Variants in CDH19 observed in about 807,000 individuals in gnomAD.
CDH19 encodes the protein cadherin-19.
In CDH19, 67 loss-of-function variants were observed where a neutral mutation model predicts 64.2. That is an observed-to-expected ratio of 1.04 (90% CI 0.86 to 1.28). CDH19 has a LOEUF of 1.28. CDH19 is among the 50% of genes most tolerant of loss of function. The pLI, the probability that CDH19 is intolerant of heterozygous loss-of-function variation, is 0.00. For synonymous variants in CDH19, 346 were observed against 319.3 expected (o/e 1.08, Z -0.89); for missense variants, 1,030 against 929.0 (o/e 1.11, Z -1.41).
rs575957859 is a variant in CDH19, at chr18:66,558,184, A to G, written c.491-3660T>C. ...TCTCATATATATATATATATAATAT[A>G]TATATTTAAGAGGGCAAAAATATGC... On this transcript the variant is annotated intron_variant, in intron 3 of 11. Transcript: ENST00000262150. 2.6e-4 allele frequency among the ~76,000 whole-genome samples: 39 copies of G among 148,638 alleles called. No homozygotes were observed. In the East Asian group the frequency reaches 6.1e-3, roughly 23 times the overall value.
intron 7 of CDH19, among the ~76,000 whole-genome samples, chr18:66,537,433 G>C (rs1044134678): frequency 5.3e-5 from 8 of 151,880 alleles, no homozygotes; most frequent in Non-Finnish European, 1.2e-4. Flanking sequence ...CATATCAGGG[G>C]AACATGATGT....
intron 11 of CDH19, among the ~76,000 whole-genome samples, chr18:66,508,778 A>G (rs963470198): frequency 5.3e-5 from 8 of 151,822 alleles, no homozygotes; most frequent in Non-Finnish European, 8.8e-5. Context: ...TTCAAAGATC[A>G]TGTTTTTATC....
rs765526940 is a variant in CDH19 at position 66,572,063 on chromosome 18, T to C, written c.142A>G (p.Asn48Asp). 1 of 1,611,336 alleles carries C rather than the reference T, an allele frequency of 6.2e-7. No individual in the cohort carries two copies. Among genetic ancestry groups the C allele is most frequent in the South Asian group, 1.1e-5 (1 of 90,990 alleles). The change falls in exon 2 of 12, where the codon AAC becomes GAC. Residue 48 changes from asparagine to aspartate, a missense_variant. Coordinates refer to ENST00000262150, the MANE Select transcript of CDH19 (RefSeq NM_021153.4). ...HLRVKRGWVW[N>D]QFFVPEEMNT... ...ATTTCCTCTGGTACAAAAAATTGGT[T>C]CCACACCCAGCCACGCTTCACTCTC...
intron 10 of CDH19, 143 bp downstream of exon 10, chr18:66,511,425 C>T (rs2144347687): frequency 3.9e-6 from 2 of 519,420 alleles, no homozygotes; most frequent in East Asian, 3.3e-5. Flanking sequence ...TTTTGTTTTC[C>T]ATTTTAATTG....
At chr18:66,535,208 T>C (rs1267017806) in intron 7 of CDH19, 101 bp from the exon 8 acceptor site, 2 of 573,948 alleles carry the variant, frequency 3.5e-6, no homozygotes, top group East Asian at 6.4e-5. Context: ...CAATGCATGC[T>C]CTACATAGCC....
intron 8 of CDH19, chr18:66,532,841 C>A (rs1015823492): frequency 1.8e-5 from 7 of 390,612 alleles, no homozygotes; most frequent in Non-Finnish European, 3.1e-5. Context: ...CAAATACAGG[C>A]GGTCACTCCA....
At chr18:66,542,306 A>G (rs1039326876) in intron 7 of CDH19, among the ~76,000 whole-genome samples, 2 of 152,126 alleles carry the variant, frequency 1.3e-5, no homozygotes, top group Non-Finnish European at 2.9e-5. Flanking sequence ...TCAAAAATTA[A>G]ATTGAGCTTT....
chr18:66,506,820 T>G (rs959799024), intron 11 of CDH19, among the ~76,000 whole-genome samples: 1 of 151,894 alleles, frequency 6.6e-6, no homozygotes, highest in African/African-American at 2.4e-5. Flanking sequence ...AAGAGAAATA[T>G]GTTGGTTATA....
At chr18:66,517,842 A>G (rs928706491) in intron 9 of CDH19, among the ~76,000 whole-genome samples, 9 of 135,644 alleles carry the variant, frequency 6.6e-5, no homozygotes, top group Middle Eastern at 3.8e-3. Flanking sequence ...TCAAATAAAC[A>G]TTACTAAAAT....
intron 7 of CDH19, among the ~76,000 whole-genome samples, chr18:66,543,471 C>T (rs1230999666): frequency 1.3e-5 from 2 of 152,074 alleles, no homozygotes; most frequent in East Asian, 1.9e-4. Context: ...CCTTCTTGCA[C>T]GTGTTTGAAA....
At chr18:66,555,388 G>A (rs1479564348) in intron 3 of CDH19, among the ~76,000 whole-genome samples, 2 of 130,592 alleles carry the variant, frequency 1.5e-5, no homozygotes, top group Non-Finnish European at 3.6e-5. Flanking sequence ...TTTTCTCATC[G>A]TAGCCCAATT....
At position 66,516,649 on chromosome 18, in the gene CDH19, A is replaced by T. The variant is rs552902569; in HGVS notation, c.1459-4964T>A. 3.9e-5 allele frequency among the ~76,000 whole-genome samples: 6 copies of T among 152,178 alleles called. 1 individual carries two copies. The highest frequency in any genetic ancestry group is 2.0e-4 in the Admixed American group (3 of 15,266). The stretch of plus-strand genomic sequence containing the variant: ...CCTGAAACTGCATGACTGCAGTCTT[A>T]CCTAATAAATATAATTGATTTATAA... On this transcript the variant is annotated intron_variant, in intron 9 of 11. Transcript: ENST00000262150.
At chr18:66,578,457 T>C (rs1988329112) in intron 1 of CDH19, among the ~76,000 whole-genome samples, 1 of 151,900 alleles carries the variant, frequency 6.6e-6, no homozygotes, top group African/African-American at 2.4e-5. Flanking sequence ...ACGAATATAA[T>C]TAAAAGACTG....
At chr18:66,584,437 G>T (rs1988516363) in intron 1 of CDH19, among the ~76,000 whole-genome samples, 2 of 152,006 alleles carry the variant, frequency 1.3e-5, no homozygotes, top group African/African-American at 4.8e-5. Context: ...TCATCATTGT[G>T]GAAAGCAGTA....
Position 66,511,616 on chromosome 18 carries a change from A to G in CDH19, c.1528T>C (p.Ser510Pro), listed in dbSNP as rs1459062253. Reference sequence around the variant, plus strand: ...CTTGAATTGTTAGTGTCTTCTACAGATAGATTAAAGTAAAAATGGTGCTCT... The same window carrying G: ...CTTGAATTGTTAGTGTCTTCTACAGGTAGATTAAAGTAAAAATGGTGCTCT... Reference protein sequence around the residue: ...IEEHHFYFNLSVEDTNNSSFT... With the variant: ...IEEHHFYFNLPVEDTNNSSFT... Residue 510 changes from serine to proline, a missense_variant, in exon 10 of 12, where the codon TCT (serine) becomes CCT (proline). Coordinates refer to ENST00000262150, the MANE Select transcript of CDH19 (RefSeq NM_021153.4). 1.3e-6 allele frequency: 2 copies of G among 1,560,598 alleles called. No homozygotes were observed. The highest frequency in any genetic ancestry group is 2.3e-5 in the East Asian group (1 of 44,422).
At chr18:66,600,111 A>T (rs1216522950) in intron 1 of CDH19, among the ~76,000 whole-genome samples, 1 of 151,854 alleles carries the variant, frequency 6.6e-6, no homozygotes, top group African/African-American at 2.4e-5. Context: ...TTAGTACTTA[A>T]ATGTAACAGC....
At chr18:66,505,370 T>G (rs1598961714) in intron 11 of CDH19, 68 bp from the exon 12 acceptor site, 2 of 1,227,314 alleles carry the variant, frequency 1.6e-6, no homozygotes, top group East Asian at 4.8e-5. Context: ...CAGTCTTTGC[T>G]CTCATTTCAA....
At chr18:66,545,795 T>C (rs1189521191) in intron 5 of CDH19, among the ~76,000 whole-genome samples, 2 of 152,098 alleles carry the variant, frequency 1.3e-5, no homozygotes, top group East Asian at 1.9e-4. Flanking sequence ...TCAGCCATCC[T>C]GGAAATGCAA....
Position 66,538,651 on chromosome 18 carries a change from A to G in CDH19, c.1215-3544T>C, listed in dbSNP as rs1000838168. Among the ~76,000 whole-genome samples the G allele has an allele frequency of 3.9e-5, 6 of 152,142 alleles. No individual in the cohort carries two copies. In the East Asian group the frequency reaches 1.2e-3, roughly 29 times the overall value. On this transcript the variant is annotated intron_variant, in intron 7 of 11. Transcript: ENST00000262150. ...CTTTCTAGGCCTGCTGCAACAAAAC[A>G]CCACAAACTGGGTGGCTGAAAACGA...
Sources: gnomAD v4.1 joint callset for allele counts (sites outside exome capture counted in the v4.1 genomes callset) on GRCh38, gnomAD v4.1.1 for gene constraint, MANE v1.5 for transcripts, NCBI Gene and HGNC (gene_info 2026-07-23, HGNC 2026-07-21) for gene names.